TDRP: variants seen among roughly 807,000 people sequenced by gnomAD.
The protein encoded by TDRP is testis development related protein.
A neutral mutation model predicts 10.5 loss-of-function variants in TDRP; 12 were observed. The observed-to-expected ratio is 1.15, with a 90% CI of 0.73 to 1.86. TDRP has a LOEUF of 1.86. TDRP is among the 40% of genes most tolerant of loss of function. TDRP has a pLI of 0.00. For missense variants in TDRP, 353 were observed against 229.2 expected (o/e 1.54, Z -3.49); for synonymous variants, 139 against 95.4 (o/e 1.46, Z -2.67).
At chr8:544,934 G>GCCCCAAACCCTCCCCAGGACCCGGCCCGC, upstream of TDRP, 1 of 242,090 alleles carries the variant, frequency 4.1e-6, no homozygotes, top group Non-Finnish European at 6.3e-6. Flanking sequence ...CACCAGGCCC[G>GCCCCAAACCCTCCCCAGGACCCGGCCCGC]CCCCAAACCC....
At chr8:500,958 G>C (rs998159861) in intron 1 of TDRP, among the ~76,000 whole-genome samples, 1 of 152,202 alleles carries the variant, frequency 6.6e-6, no homozygotes, top group Non-Finnish European at 1.5e-5. Context: ...TGTAATCCCA[G>C]CACTCTGGGA....
chr8:532,223 G>C (rs1802221891), intron 1 of TDRP, among the ~76,000 whole-genome samples: 1 of 152,198 alleles, frequency 6.6e-6, no homozygotes, highest in Admixed American at 6.5e-5. Flanking sequence ...TGCCTGTGTT[G>C]CATCTGCTCA....
Position 539,034 on chromosome 8 carries a change from G to A in TDRP, c.108+5616C>T, listed in dbSNP as rs554997336. ...ATCCTGCAGGCCTATAATAGAAAGA[G>A]ACTAGAAATATCCCCCTGAAGGCAT... On this transcript the variant is annotated intron_variant, in intron 1 of 2. Transcript: ENST00000324079. Among the ~76,000 whole-genome samples, 23 of 152,124 alleles carry A rather than the reference G, an allele frequency of 1.5e-4. No individual in the cohort carries two copies. The East Asian group carries it at 3.7e-3, about 24-fold the overall frequency.
At chr8:500,142 AAAGT>A (rs1258817859) in intron 1 of TDRP, among the ~76,000 whole-genome samples, 3 of 152,220 alleles carry the variant, frequency 2.0e-5, no homozygotes, top group African/African-American at 4.8e-5. Context: ...CAGAAATGAG[AAAGT>A]AAGTTCCTGC....
In TDRP at chr8:516,740, G is replaced by A. The variant is rs115196810; in HGVS notation, c.109-22143C>T. 8.5e-3 allele frequency among the ~76,000 whole-genome samples: 1,288 copies of A among 152,206 alleles called. 11 individuals are homozygous for A. Among genetic ancestry groups the A allele is most frequent in the African/African-American group, 0.029 (1,219 of 41,520 alleles). On this transcript the variant is annotated intron_variant, in intron 1 of 2. Transcript: ENST00000324079. ...TCTCACCATGCAAGCCGGCAATCAC[G>A]GTTCTATTTATCCAAATGACTTGAA...
chr8:501,958 C>T (rs560553252), intron 1 of TDRP, among the ~76,000 whole-genome samples: 2 of 152,322 alleles, frequency 1.3e-5, no homozygotes, highest in South Asian at 2.1e-4. Context: ...AAAGGCTTAG[C>T]GCTGGCATTC....
At chr8:540,806 T>TA (rs60390652) in intron 1 of TDRP, among the ~76,000 whole-genome samples, 543 of 124,998 alleles carry the variant, frequency 4.3e-3, no homozygotes, top group African/African-American at 0.012. Flanking sequence ...CTTTTTCACG[T>TA]AAAAAAAAAA....
chr8:525,439 A>C (rs577985282), intron 1 of TDRP, among the ~76,000 whole-genome samples: 3 of 152,348 alleles, frequency 2.0e-5, no homozygotes, highest in Non-Finnish European at 4.4e-5. Flanking sequence ...TATACTGTTA[A>C]AGTACTCATA....
At chr8:502,012 G>A (rs948203441) in intron 1 of TDRP, among the ~76,000 whole-genome samples, 2 of 152,186 alleles carry the variant, frequency 1.3e-5, no homozygotes, top group Non-Finnish European at 1.5e-5. Context: ...GGTGAGGGAG[G>A]ACTCTGGGAA....
At chr8:506,312 G>A (rs533969784) in intron 1 of TDRP, among the ~76,000 whole-genome samples, 1 of 152,122 alleles carries the variant, frequency 6.6e-6, no homozygotes, top group Admixed American at 6.5e-5. Context: ...TCCCAGCTCG[G>A]CAGCGGGGGG....
At chr8:520,372 G>A (rs188116633) in intron 1 of TDRP, among the ~76,000 whole-genome samples, 2 of 152,194 alleles carry the variant, frequency 1.3e-5, no homozygotes, top group African/African-American at 2.4e-5. Flanking sequence ...CATGGAGGCT[G>A]CTTCTCCTCT....
chr8:493,404 T>C (rs1266373317), intron 2 of TDRP, among the ~76,000 whole-genome samples: 1 of 152,200 alleles, frequency 6.6e-6, no homozygotes, highest in African/African-American at 2.4e-5. Context: ...ACCCATCCTC[T>C]ACAGATGAAG....
At chr8:524,353 T>C (rs1258365000) in intron 1 of TDRP, among the ~76,000 whole-genome samples, 2 of 152,088 alleles carry the variant, frequency 1.3e-5, no homozygotes. Context: ...AAACTGCATA[T>C]ACTACAATAA....
rs1459397952 is a variant in TDRP, at chr8:528,490, C to T, written c.108+16160G>A. 2.2e-5 allele frequency among the ~76,000 whole-genome samples: 3 copies of T among 136,912 alleles called. 1 individual carries two copies. In the East Asian group the frequency reaches 6.9e-4, roughly 31 times the overall value. 89.8% of individuals were successfully genotyped at this position (136,912 alleles called of 152,430 possible). A position where few individuals can be genotyped will look rare whatever the true frequency, so the allele number is the denominator to read the frequency against. On this transcript the variant is annotated intron_variant, in intron 1 of 2. Coordinates refer to ENST00000324079, the MANE Select transcript of TDRP (RefSeq NM_001384899.1). Reference sequence around the variant, plus strand: ...TATATTGCAGCACTGTTCACAACAGCCAAGATTTGGAAGCAACCTAAGTAT... The same window carrying T: ...TATATTGCAGCACTGTTCACAACAGTCAAGATTTGGAAGCAACCTAAGTAT...
rs568322616 is a variant in TDRP at position 536,904 on chromosome 8, C to T, written c.108+7746G>A. Among the ~76,000 whole-genome samples the T allele has an allele frequency of 3.5e-3, 530 of 152,286 alleles. 4 individuals are homozygous for T. The highest frequency in any genetic ancestry group is 5.5e-3 in the Non-Finnish European group (374 of 68,030). The stretch of plus-strand genomic sequence containing the variant: ...CTTCCTGCTTCCTCTCAAGTAATCA[C>T]CCACAGAGACTTGACTCAAGTGCTT... On this transcript the variant is annotated intron_variant, in intron 1 of 2. Transcript: ENST00000324079.
At position 492,117 on chromosome 8, in the gene TDRP, T is replaced by A; in HGVS notation, c.*282A>T. On this transcript the variant is annotated 3_prime_UTR_variant, in exon 3 of 3. Coordinates refer to ENST00000324079, the MANE Select transcript of TDRP (RefSeq NM_001384899.1). ...AAACTGCAAATCATTACTGCTGTATTATGGGAGAGCATCATAAATTCACAT... is the reference window on the plus strand; with the variant it reads ...AAACTGCAAATCATTACTGCTGTATAATGGGAGAGCATCATAAATTCACAT... The A allele has an allele frequency of 8.2e-7, 1 of 1,226,658 alleles. No individual in the cohort carries two copies. Among genetic ancestry groups the A allele is most frequent in the Non-Finnish European group, 1.0e-6 (1 of 984,382 alleles). The allele number at this position is 1,226,658 out of a possible 1,614,324, so 76.0% of individuals were successfully genotyped here. A position where few individuals can be genotyped will look rare whatever the true frequency, so the allele number is the denominator to read the frequency against.
At chr8:493,612 T>C (rs541085334) in intron 2 of TDRP, among the ~76,000 whole-genome samples, 16 of 152,368 alleles carry the variant, frequency 1.1e-4, no homozygotes, top group East Asian at 5.8e-4. Context: ...GGTAATATCA[T>C]TGGGTAGTCA....
rs777979315 is a variant in TDRP at position 491,845 on chromosome 8, C to T, written c.*554G>A. 7.9e-5 allele frequency: 97 copies of T among 1,223,924 alleles called. No homozygotes were observed. The highest frequency in any genetic ancestry group is 9.6e-5 in the Non-Finnish European group (94 of 982,376). The allele number at this position is 1,223,924 out of a possible 1,614,324, so 75.8% of individuals were successfully genotyped here. ...CATGCATTTTAAGATACATTTTACTCCCAAATATAAGCTTTGCTTTTCCAG... is the reference window on the plus strand; with the variant it reads ...CATGCATTTTAAGATACATTTTACTTCCAAATATAAGCTTTGCTTTTCCAG... On this transcript the variant is annotated 3_prime_UTR_variant, in exon 3 of 3. Transcript: ENST00000324079.
Position 491,904 on chromosome 8 carries a change from G to T in TDRP, c.*495C>A, listed in dbSNP as rs1161102064. On this transcript the variant is annotated 3_prime_UTR_variant, in exon 3 of 3. Coordinates refer to ENST00000324079, the MANE Select transcript of TDRP (RefSeq NM_001384899.1). ...TACGTATTTGTTTAATAAGAACAAA[G>T]TTTAATTTGTCAAGTTAAACAAAAT... is the stretch of plus-strand genomic sequence containing the variant. 2.6e-6 allele frequency: 3 copies of T among 1,155,296 alleles called. No individual in the cohort carries two copies. The highest frequency in any genetic ancestry group is 3.2e-6 in the Non-Finnish European group (3 of 940,316). The allele number at this position is 1,155,296 out of a possible 1,614,324, so 71.6% of individuals were successfully genotyped here.
Sources: allele counts gnomAD v4.1 joint callset (sites outside exome capture counted in the v4.1 genomes callset), GRCh38; gene constraint gnomAD v4.1.1; transcripts MANE v1.5; gene names NCBI Gene and HGNC (gene_info 2026-07-23, HGNC 2026-07-21).